The following CALN1 variants were observed in gnomAD, a reference collection of about 807,000 sequenced individuals.
CALN1 encodes the protein calcium-binding protein 8.
A neutral mutation model predicts 30.6 loss-of-function variants in CALN1; 17 were observed. The ratio of observed to expected loss-of-function variants is 0.56; its 90% confidence interval spans 0.38 to 0.83. The LOEUF (loss-of-function observed/expected upper bound fraction) is 0.83. CALN1 is among the 40% of genes least tolerant of loss of function. The pLI is 0.00. For missense variants in CALN1, 291 were observed against 354.9 expected (o/e 0.82, Z 1.45); for synonymous variants, 156 against 131.4 (o/e 1.19, Z -1.28).
intron 2 of CALN1, among the ~76,000 whole-genome samples, chr7:72,399,216 G>A (rs1402869584): frequency 6.6e-6 from 1 of 151,902 alleles, no homozygotes; most frequent in East Asian, 1.9e-4. Context: ...CTGGCTGTGG[G>A]AAGGGTGGTG....
intron 5 of CALN1, among the ~76,000 whole-genome samples, chr7:71,921,603 A>G (rs1794949461): frequency 1.3e-5 from 2 of 152,310 alleles, no homozygotes; most frequent in South Asian, 4.1e-4. Flanking sequence ...CATAATATTC[A>G]GAATAACCCC....
At chr7:71,951,332 TG>T (rs1404320272) in intron 5 of CALN1, among the ~76,000 whole-genome samples, 1 of 152,208 alleles carries the variant, frequency 6.6e-6, no homozygotes, top group Non-Finnish European at 1.5e-5. Context: ...GGCTCATGCC[TG>T]TAATCCCAGC....
upstream of CALN1, among the ~76,000 whole-genome samples, chr7:72,451,188 G>GAGAAGA (rs758368072): frequency 1.4e-3 from 172 of 125,098 alleles, 2 homozygotes; most frequent in African/African-American, 4.4e-3. Context: ...GCAGGAGGAG[G>GAGAAGA]AGAAGAAGAA....
the CALN1 span, among the ~76,000 whole-genome samples, chr7:72,459,985 G>A: frequency 6.6e-6 from 1 of 152,184 alleles, no homozygotes; most frequent in Non-Finnish European, 1.5e-5. Context: ...TAAGAAGCAT[G>A]GAGCCAACGT....
chr7:72,090,232 G>T (rs535049868), intron 4 of CALN1, among the ~76,000 whole-genome samples: 1 of 152,272 alleles, frequency 6.6e-6, no homozygotes, highest in Admixed American at 6.5e-5. Flanking sequence ...AACCTGGGAG[G>T]CAGAGATTGC....
At chr7:71,933,925 A>G (rs1396179274) in intron 5 of CALN1, among the ~76,000 whole-genome samples, 3 of 152,296 alleles carry the variant, frequency 2.0e-5, no homozygotes, top group African/African-American at 7.2e-5. Context: ...GATGACTGCA[A>G]CACAAAAGGG....
intron 5 of CALN1, among the ~76,000 whole-genome samples, chr7:71,960,879 C>G (rs185976887): frequency 6.6e-6 from 1 of 152,260 alleles, no homozygotes; most frequent in Admixed American, 6.5e-5. Flanking sequence ...TGCAGTGGCT[C>G]AATCTCAGCT....
At chr7:71,929,421 G>A (rs897888970) in intron 5 of CALN1, among the ~76,000 whole-genome samples, 3 of 152,198 alleles carry the variant, frequency 2.0e-5, no homozygotes, top group African/African-American at 7.2e-5. Flanking sequence ...GTTTGCTGAG[G>A]ATAATGGCTT....
chr7:72,043,658 C>A (rs1160090166), intron 4 of CALN1, among the ~76,000 whole-genome samples: 1 of 152,114 alleles, frequency 6.6e-6, no homozygotes, highest in Non-Finnish European at 1.5e-5. Context: ...TTGGTCCCAG[C>A]CACTCTGGAG....
At chr7:72,288,462 C>T (rs1798250847) in intron 2 of CALN1, among the ~76,000 whole-genome samples, 1 of 152,118 alleles carries the variant, frequency 6.6e-6, no homozygotes, top group Non-Finnish European at 1.5e-5. Flanking sequence ...AACTGTGTCA[C>T]TGAATACAGC....
intron 4 of CALN1, among the ~76,000 whole-genome samples, chr7:72,103,770 G>A (rs571288253): frequency 2.0e-5 from 3 of 152,160 alleles, no homozygotes; most frequent in Admixed American, 1.3e-4. Context: ...GAGGGGGGGG[G>A]AAGGAGGCTG....
At chr7:72,230,781 C>T (rs991233008) in intron 3 of CALN1, among the ~76,000 whole-genome samples, 3 of 152,134 alleles carry the variant, frequency 2.0e-5, no homozygotes, top group African/African-American at 4.8e-5. Context: ...TCTGTTAAGC[C>T]GCTAAGTTAG....
chr7:72,124,265 T>C (rs117790567), intron 3 of CALN1, among the ~76,000 whole-genome samples: 4 of 152,144 alleles, frequency 2.6e-5, no homozygotes, highest in African/African-American at 9.7e-5. Flanking sequence ...ACTCAATACA[T>C]AGACTACAAT....
intron 3 of CALN1, among the ~76,000 whole-genome samples, chr7:72,191,183 G>C (rs1790571241): frequency 6.6e-6 from 1 of 152,176 alleles, no homozygotes; most frequent in Non-Finnish European, 1.5e-5. Flanking sequence ...AAGACAAGAA[G>C]AATGCGACTG....
At chr7:72,160,768 T>C (rs1788050896) in intron 3 of CALN1, among the ~76,000 whole-genome samples, 1 of 152,184 alleles carries the variant, frequency 6.6e-6, no homozygotes, top group South Asian at 2.1e-4. Context: ...CAGCCTGATA[T>C]TCTGAGGACT....
chr7:72,355,137 T>G (rs910879364), intron 2 of CALN1, among the ~76,000 whole-genome samples: 1 of 151,996 alleles, frequency 6.6e-6, no homozygotes, highest in Non-Finnish European at 1.5e-5. Flanking sequence ...CAAACTCCCA[T>G]GCTCAAGTGA....
chr7:72,487,854 G>GAGAAAGAAAGAAAGAAAGAA, the CALN1 span, among the ~76,000 whole-genome samples: 16 of 69,536 alleles, frequency 2.3e-4, 1 homozygote, highest in Non-Finnish European at 3.8e-4. Flanking sequence ...GAAAAAGAAA[G>GAGAAAGAAAGAAAGAAAGAA]AGAAAGAAAG....
At chr7:72,330,060 G>A (rs1236504557) in intron 2 of CALN1, among the ~76,000 whole-genome samples, 1 of 152,014 alleles carries the variant, frequency 6.6e-6, no homozygotes, top group Admixed American at 6.6e-5. Flanking sequence ...GGAGGCTGAG[G>A]CAGGCGGATC....
At chr7:72,114,575 T>G (rs1275597796) in intron 3 of CALN1, among the ~76,000 whole-genome samples, 1 of 152,072 alleles carries the variant, frequency 6.6e-6, no homozygotes, top group Non-Finnish European at 1.5e-5. Context: ...AGGGCTTTAG[T>G]GTGAATGAGT....
Sources: allele counts gnomAD v4.1 joint callset (sites outside exome capture counted in the v4.1 genomes callset), GRCh38; gene constraint gnomAD v4.1.1; transcripts MANE v1.5; gene names NCBI Gene and HGNC (gene_info 2026-07-23, HGNC 2026-07-21).